ZNF676: variants seen among roughly 807,000 people sequenced by gnomAD.
The protein encoded by ZNF676 is zinc finger protein 676.
In ZNF676, 4 loss-of-function variants were observed where a neutral mutation model predicts 6.0. The ratio of observed to expected loss-of-function variants is 0.67; its 90% CI spans 0.33 to 1.53. The LOEUF (loss-of-function observed/expected upper bound fraction) is 1.53. ZNF676 is among the 40% of genes most tolerant of loss of function. The pLI, the probability that ZNF676 is intolerant of heterozygous loss-of-function variation, is 0.06. For synonymous variants in ZNF676, 198 were observed against 223.1 expected (o/e 0.89, Z 1.00); for missense variants, 644 against 679.7 (o/e 0.95, Z 0.58).
intron 1 of ZNF676, among the ~76,000 whole-genome samples, chr19:22,202,619 T>C (rs1202033004): frequency 6.6e-6 from 1 of 152,212 alleles, no homozygotes; most frequent in Non-Finnish European, 1.5e-5. Context: ...ACTGTTTTAT[T>C]ACACAATTAC....
the ZNF676 span, among the ~76,000 whole-genome samples, chr19:22,253,763 A>G: frequency 7.2e-5 from 11 of 151,962 alleles, no homozygotes; most frequent in Non-Finnish European, 1.6e-4. Context: ...GACCTCTCCA[A>G]TGGGGTCTGT....
the ZNF676 span, among the ~76,000 whole-genome samples, chr19:22,224,887 T>C: frequency 6.6e-6 from 1 of 152,094 alleles, no homozygotes; most frequent in South Asian, 2.1e-4. Flanking sequence ...TCCAGCAACC[T>C]GGGAGATCAA....
At chr19:22,213,255 T>C (rs2024148582) in intron 1 of ZNF676, among the ~76,000 whole-genome samples, 1 of 152,190 alleles carries the variant, frequency 6.6e-6, no homozygotes, top group South Asian at 2.1e-4. Flanking sequence ...TCTTTTTCTT[T>C]GTCTTTGGAG....
upstream of ZNF676, among the ~76,000 whole-genome samples, chr19:22,199,046 TAAAG>T (rs1461779080): frequency 7.2e-6 from 1 of 139,558 alleles, no homozygotes; most frequent in Non-Finnish European, 1.5e-5. Context: ...AGGGCACAAG[TAAAG>T]AGAGTTCTGC....
chr19:22,257,851 C>T, the ZNF676 span, among the ~76,000 whole-genome samples: 25 of 152,090 alleles, frequency 1.6e-4, no homozygotes, highest in African/African-American at 5.3e-4. Flanking sequence ...CCCTCAGGTG[C>T]GTAGGGCTTA....
At chr19:22,210,951 A>C (rs2144820988) in intron 1 of ZNF676, among the ~76,000 whole-genome samples, 1 of 151,744 alleles carries the variant, frequency 6.6e-6, no homozygotes, top group South Asian at 2.1e-4. Flanking sequence ...TGATTATTTC[A>C]CCCTTCATTT....
chr19:22,233,096 A>AT, the ZNF676 span, among the ~76,000 whole-genome samples: 1 of 152,214 alleles, frequency 6.6e-6, no homozygotes, highest in African/African-American at 2.4e-5. Context: ...ATGTAGACTA[A>AT]TAAAAATCAA....
the ZNF676 span, among the ~76,000 whole-genome samples, chr19:22,242,519 T>C: frequency 9.0e-3 from 1,362 of 151,954 alleles, 46 homozygotes; most frequent in African/African-American, 0.031. Context: ...ATTTCCTAGG[T>C]GTTGGAGCCC....
At chr19:22,210,025 A>G (rs1425187910) in intron 1 of ZNF676, among the ~76,000 whole-genome samples, 1 of 152,072 alleles carries the variant, frequency 6.6e-6, no homozygotes, top group Non-Finnish European at 1.5e-5. Flanking sequence ...CTGTGGCAAA[A>G]GGGGGTTTGT....
the ZNF676 span, chr19:22,259,783 A>G: frequency 6.6e-6 from 1 of 152,196 alleles, no homozygotes; most frequent in African/African-American, 2.4e-5. Flanking sequence ...TTCTGAGAAG[A>G]AGGTCAAGGT....
upstream of ZNF676, among the ~76,000 whole-genome samples, chr19:22,218,508 T>C (rs2024216511): frequency 1.3e-5 from 2 of 151,188 alleles, no homozygotes; most frequent in Admixed American, 6.6e-5. Context: ...AAATTTTTTT[T>C]TTTTTTTTTG....
chr19:22,245,703 A>G, the ZNF676 span, among the ~76,000 whole-genome samples: 1 of 152,192 alleles, frequency 6.6e-6, no homozygotes, highest in Admixed American at 6.5e-5. Flanking sequence ...AAAGAGTCAC[A>G]TAACCAAAGT....
chr19:22,210,658 C>T (rs1050680094), intron 1 of ZNF676, among the ~76,000 whole-genome samples: 3 of 152,180 alleles, frequency 2.0e-5, no homozygotes, highest in African/African-American at 7.2e-5. Context: ...CCCATTGTGA[C>T]TTAGATGGTG....
the ZNF676 span, among the ~76,000 whole-genome samples, chr19:22,253,315 C>A: frequency 6.8e-6 from 1 of 146,012 alleles, no homozygotes; most frequent in South Asian, 2.2e-4. Context: ...GTTAGGACAC[C>A]CTTTGTATCA....
chr19:22,257,384 C>A, the ZNF676 span, among the ~76,000 whole-genome samples: 1 of 152,134 alleles, frequency 6.6e-6, no homozygotes, highest in Non-Finnish European at 1.5e-5. Context: ...TTGGACCCAG[C>A]AATATGTCCA....
the ZNF676 span, chr19:22,244,506 C>G: frequency 6.6e-6 from 1 of 152,314 alleles, no homozygotes. Flanking sequence ...ACAATCCCAA[C>G]TATAAGTAGA....
chr19:22,219,025 G>GT (rs1415829119), upstream of ZNF676, among the ~76,000 whole-genome samples: 1 of 112,610 alleles, frequency 8.9e-6, no homozygotes. Context: ...TTTTTTTTTA[G>GT]TTTTAGGATT....
intron 1 of ZNF676, 37 bp downstream of exon 1, chr19:22,196,563 G>C (rs1568530924): frequency 3.7e-6 from 6 of 1,613,316 alleles, no homozygotes; most frequent in Non-Finnish European, 5.1e-6. Context: ...GAAACCTGTA[G>C]TATATACTAG....
At chr19:22,248,382 T>A in the ZNF676 span, among the ~76,000 whole-genome samples, 1 of 152,240 alleles carries the variant, frequency 6.6e-6, no homozygotes, top group Admixed American at 6.5e-5. Context: ...AGTGTTCCTA[T>A]TTCTCCACAT....
Sources: allele counts gnomAD v4.1 joint callset (sites outside exome capture counted in the v4.1 genomes callset), GRCh38; gene constraint gnomAD v4.1.1; transcripts MANE v1.5; gene names NCBI Gene and HGNC (gene_info 2026-07-23, HGNC 2026-07-21).